Variants in KIF13B observed in about 807,000 individuals in gnomAD.
KIF13B encodes kinesin-like protein KIF13B.
KIF13B carries 127 observed loss-of-function variants against 222.0 expected under a neutral mutation model. The ratio of observed to expected loss-of-function variants is 0.57; its 90% CI spans 0.50 to 0.66. The LOEUF is 0.66. KIF13B is among the 30% of genes least tolerant of loss of function. The pLI is 0.00. For missense variants in KIF13B, 2,173 were observed against 2,379.0 expected (o/e 0.91, Z 1.80); for synonymous variants, 976 against 919.0 (o/e 1.06, Z -1.12).
intron 21 of KIF13B, among the ~76,000 whole-genome samples, chr8:29,135,171 G>A (rs1485558503): frequency 6.6e-6 from 1 of 152,036 alleles, no homozygotes; most frequent in Non-Finnish European, 1.5e-5. Flanking sequence ...AGCCTCCCAA[G>A]GAGCTAGGAC....
chr8:29,118,826 A>C, intron 30 of KIF13B, 42 bp downstream of exon 30: 1 of 1,608,358 alleles, frequency 6.2e-7, no homozygotes, highest in Non-Finnish European at 8.5e-7. Context: ...AGGTTAAGGA[A>C]ACCACTTTTC....
chr8:29,206,700 C>A (rs1345441652), intron 2 of KIF13B, among the ~76,000 whole-genome samples: 1 of 152,126 alleles, frequency 6.6e-6, no homozygotes, highest in Non-Finnish European at 1.5e-5. Context: ...CCTGGAGAGA[C>A]AGCCTGGAAA....
At chr8:29,133,085 G>C (rs1384633454) in intron 22 of KIF13B, among the ~76,000 whole-genome samples, 1 of 152,074 alleles carries the variant, frequency 6.6e-6, no homozygotes, top group African/African-American at 2.4e-5. Context: ...GAAGTATTTT[G>C]GCTTTAAACG....
chr8:29,180,757 T>C (rs1354431932), intron 7 of KIF13B, among the ~76,000 whole-genome samples: 2 of 151,894 alleles, frequency 1.3e-5, no homozygotes, highest in East Asian at 3.8e-4. Context: ...ACTTGGTTGC[T>C]ACTACTACTA....
intron 11 of KIF13B, 30 bp from the exon 12 acceptor site, chr8:29,165,802 G>A (rs1171669124): frequency 8.1e-6 from 12 of 1,478,314 alleles, no homozygotes; most frequent in African/African-American, 4.2e-5. Flanking sequence ...TTCATGAAAT[G>A]TCTAGAAGAT....
chr8:29,132,559 A>G (rs1451265304), intron 22 of KIF13B, 94 bp from the exon 23 acceptor site: 4 of 749,680 alleles, frequency 5.3e-6, no homozygotes, highest in Admixed American at 4.3e-5. Context: ...TATATCAGGG[A>G]AAAAAAATAG....
At position 29,188,710 on chromosome 8, in the gene KIF13B, T is replaced by C. The variant is rs1813051056; in HGVS notation, c.224-103A>G. 4 of 694,404 alleles carry C rather than the reference T, an allele frequency of 5.8e-6. No individual in the cohort carries two copies. The East Asian group carries it at 8.3e-5, about 14-fold the overall frequency. The allele number at this position is 694,404 out of a possible 1,614,324, so 43.0% of individuals were successfully genotyped here. ...TCTCAAAAATGTATAATCTGCTTAT[T>C]TATCTCCAAACAAGATTTTTAAATT... On this transcript the variant is annotated intron_variant, in intron 4 of 39. Transcript: ENST00000524189.
chr8:29,238,135 C>G (rs1815595696), intron 2 of KIF13B, among the ~76,000 whole-genome samples: 1 of 152,168 alleles, frequency 6.6e-6, no homozygotes, highest in Non-Finnish European at 1.5e-5. Flanking sequence ...TGCATGACTT[C>G]CTTCAATTAA....
intron 37 of KIF13B, among the ~76,000 whole-genome samples, chr8:29,082,995 G>A (rs573375471): frequency 2.0e-5 from 3 of 152,168 alleles, no homozygotes; most frequent in African/African-American, 4.8e-5. Flanking sequence ...CAGCCATGGC[G>A]GTGTACACCT....
chr8:29,244,065 G>A (rs1012112691), intron 2 of KIF13B, among the ~76,000 whole-genome samples: 1 of 152,148 alleles, frequency 6.6e-6, no homozygotes, highest in Non-Finnish European at 1.5e-5. Flanking sequence ...CCAGGCTGGA[G>A]TGCAGTGGTG....
At chr8:29,187,052 G>A (rs1812967173) in intron 5 of KIF13B, among the ~76,000 whole-genome samples, 1 of 151,630 alleles carries the variant, frequency 6.6e-6, no homozygotes, top group South Asian at 2.1e-4. Context: ...GAGAAATAGT[G>A]AGGTCTAAAA....
rs78452934 is a variant in KIF13B, at chr8:29,069,030, T to C, written c.*1474A>G. Reference sequence around the variant, plus strand: ...GCTGGGACAGGCCCACCATGGAGACTACTCTGTTGGCGCCTTCAAGTCCCT... The same window carrying C: ...GCTGGGACAGGCCCACCATGGAGACCACTCTGTTGGCGCCTTCAAGTCCCT... On this transcript the variant is annotated 3_prime_UTR_variant, in exon 40 of 40. Coordinates refer to ENST00000524189, the MANE Select transcript of KIF13B (RefSeq NM_015254.4). The C allele has an allele frequency of 1.3e-5, 2 of 152,232 alleles. No homozygotes were observed. The highest frequency in any genetic ancestry group is 2.9e-5 in the Non-Finnish European group (2 of 68,044). The allele number at this position is 152,232 out of a possible 1,614,324, so 9.4% of individuals were successfully genotyped here.
intron 2 of KIF13B, among the ~76,000 whole-genome samples, chr8:29,230,057 C>T (rs1586958057): frequency 1.3e-5 from 2 of 152,152 alleles, no homozygotes. Context: ...TAAGTAGGTA[C>T]CATGTACCAG....
Position 29,140,088 on chromosome 8 carries a change from G to A in KIF13B, c.2588C>T (p.Thr863Ile), listed in dbSNP as rs1310535250. 1.9e-6 allele frequency: 3 copies of A among 1,600,992 alleles called. No individual in the cohort carries two copies. The highest frequency in any genetic ancestry group is 1.7e-5 in the Admixed American group (1 of 57,678). Reference sequence around the variant, plus strand: ...CATGCACACCAGTTTGTTCTCCTGGGTCTCCTTCTCAAAGGAGACCTCTGC... The same window carrying A: ...CATGCACACCAGTTTGTTCTCCTGGATCTCCTTCTCAAAGGAGACCTCTGC... ...EVAEVSFEKE[T>I]QENKLVCMVK... The change falls in exon 21 of 40, where the codon ACC (threonine) becomes ATC (isoleucine). Residue 863 changes from threonine to isoleucine, a missense_variant. Physicochemically the swap from Thr to Ile is moderately conservative, Grantham distance 89. Around this residue, in one of 2 missense-constraint regions of KIF13B, gnomAD observed 1,480 missense variants for 1,722.8 expected, o/e 0.86. Transcript: ENST00000524189.
intron 1 of KIF13B, among the ~76,000 whole-genome samples, chr8:29,257,468 G>A (rs1010513696): frequency 5.9e-5 from 9 of 152,088 alleles, no homozygotes; most frequent in Non-Finnish European, 1.3e-4. Flanking sequence ...TTTTGTCAGT[G>A]GTTTCTTCCA....
intron 2 of KIF13B, among the ~76,000 whole-genome samples, chr8:29,205,392 G>C (rs575122125): frequency 2.0e-5 from 3 of 151,950 alleles, no homozygotes; most frequent in Admixed American, 2.0e-4. Flanking sequence ...CTCCTACTAG[G>C]CCCCTGCAGT....
At chr8:29,263,361 G>A (rs1167414829), upstream of KIF13B, among the ~76,000 whole-genome samples, 1 of 152,240 alleles carries the variant, frequency 6.6e-6, no homozygotes, top group Non-Finnish European at 1.5e-5. Context: ...AAGCCTTCAA[G>A]AGCTGATACC....
intron 35 of KIF13B, among the ~76,000 whole-genome samples, chr8:29,106,632 CAAAA>C (rs71222590): frequency 9.0e-4 from 51 of 56,462 alleles, no homozygotes; most frequent in African/African-American, 4.3e-3. Flanking sequence ...AACTCTGTCT[CAAAA>C]AAAAAAAAAA....
At position 29,072,128 on chromosome 8, in the gene KIF13B, G is replaced by C. The variant is rs755762070; in HGVS notation, c.4710C>G (p.Ser1570=). The stretch of plus-strand genomic sequence containing the variant: ...ACAGGGTCGCGGTGGAGACGCTGTG[G>C]GAGAAGTACCCGCTAGAGGCTTCAC... ...PLSEASSGYF[S]HSVSTATLSD... The change falls in exon 39 of 40, where the codon TCC becomes TCG. Residue 1570 remains serine, a synonymous_variant. Coordinates refer to ENST00000524189, the MANE Select transcript of KIF13B (RefSeq NM_015254.4). 4.7e-5 allele frequency: 65 copies of C among 1,387,528 alleles called. No homozygotes were observed. The highest frequency in any genetic ancestry group is 6.0e-5 in the Non-Finnish European group (64 of 1,068,648). 86.0% of individuals were successfully genotyped at this position (1,387,528 alleles called of 1,614,324 possible).
Sources: allele counts gnomAD v4.1 joint callset (sites outside exome capture counted in the v4.1 genomes callset), GRCh38; gene constraint gnomAD v4.1.1; regional missense constraint gnomAD v4.1.1; transcripts MANE v1.5; gene names NCBI Gene and HGNC (gene_info 2026-07-23, HGNC 2026-07-21).